The following PSIP1 variants were observed in gnomAD, a reference collection of about 807,000 sequenced individuals.
PSIP1 encodes PC4 and SRSF1 interacting protein 1.
PSIP1 carries 19 observed loss-of-function variants against 74.7 expected under a neutral mutation model. The observed-to-expected ratio is 0.25, with a 90% CI of 0.18 to 0.37. The LOEUF is 0.37. Ranked by LOEUF, PSIP1 falls within the 10% of genes least tolerant of loss-of-function variation. The probability of loss-of-function intolerance (pLI) is 1.00; values close to 1 mark genes in which losing one functional copy is unlikely to be tolerated. For missense variants in PSIP1, 601 were observed against 614.3 expected (o/e 0.98, Z 0.23); for synonymous variants, 222 against 195.3 (o/e 1.14, Z -1.14).
intron 6 of PSIP1, among the ~76,000 whole-genome samples, chr9:15,483,445 A>C (rs933309392): frequency 4.6e-5 from 7 of 152,110 alleles, no homozygotes; most frequent in African/African-American, 1.7e-4. Context: ...CACTTAAAAA[A>C]TCTATAAGAT....
At chr9:15,501,803 A>ACT (rs2037356029) in intron 3 of PSIP1, among the ~76,000 whole-genome samples, 1 of 148,750 alleles carries the variant, frequency 6.7e-6, no homozygotes, top group Non-Finnish European at 1.5e-5. Context: ...TGCAGATACC[A>ACT]AAATTCACAG....
intron 2 of PSIP1, 54 bp from the exon 3 acceptor site, chr9:15,506,691 T>C: frequency 7.5e-7 from 1 of 1,327,662 alleles, no homozygotes; most frequent in South Asian, 1.2e-5. Context: ...CACCTCAACA[T>C]TTATCTGAAT....
chr9:15,480,583 A>G (rs2036294248), intron 6 of PSIP1, among the ~76,000 whole-genome samples: 1 of 152,232 alleles, frequency 6.6e-6, no homozygotes, highest in Non-Finnish European at 1.5e-5. Context: ...ATACTTTATG[A>G]AAGCACATAA....
At chr9:15,487,205 A>C (rs1197973458) in intron 4 of PSIP1, among the ~76,000 whole-genome samples, 1 of 151,756 alleles carries the variant, frequency 6.6e-6, no homozygotes, top group Non-Finnish European at 1.5e-5. Context: ...ATAAAAATTA[A>C]AAAAAACTCC....
At chr9:15,486,754 C>G (rs1262538116) in intron 5 of PSIP1, 73 bp downstream of exon 5, 5 of 1,049,266 alleles carry the variant, frequency 4.8e-6, no homozygotes, top group Non-Finnish European at 7.2e-6. Context: ...ACTAATTAAT[C>G]ATGGCCAACT....
intron 8 of PSIP1, among the ~76,000 whole-genome samples, chr9:15,475,673 A>T (rs2036044933): frequency 6.6e-6 from 1 of 152,182 alleles, no homozygotes; most frequent in Non-Finnish European, 1.5e-5. Flanking sequence ...ATTTATTTTA[A>T]AAATTTATCC....
chr9:15,504,350 T>G (rs2037484885), intron 3 of PSIP1, among the ~76,000 whole-genome samples: 1 of 136,382 alleles, frequency 7.3e-6, no homozygotes, highest in Non-Finnish European at 1.5e-5. Flanking sequence ...TGTACATATA[T>G]TTATATATGA....
At chr9:15,504,685 G>C (rs553135535) in intron 3 of PSIP1, among the ~76,000 whole-genome samples, 8 of 151,458 alleles carry the variant, frequency 5.3e-5, no homozygotes, top group Non-Finnish European at 1.0e-4. Flanking sequence ...TGCAGTGAGC[G>C]GAGATCATGC....
At chr9:15,483,359 C>T (rs961397104) in intron 6 of PSIP1, among the ~76,000 whole-genome samples, 2 of 151,854 alleles carry the variant, frequency 1.3e-5, no homozygotes, top group Non-Finnish European at 2.9e-5. Flanking sequence ...CTCCCCCGCC[C>T]CCTTTACCAT....
At chr9:15,478,824 A>G (rs1165325674) in intron 7 of PSIP1, among the ~76,000 whole-genome samples, 1 of 152,118 alleles carries the variant, frequency 6.6e-6, no homozygotes, top group African/African-American at 2.4e-5. Flanking sequence ...TCGTTTTAAC[A>G]GTAATGTCAC....
At chr9:15,505,081 T>A (rs564993022) in intron 3 of PSIP1, 1 of 150,856 alleles carries the variant, frequency 6.6e-6, no homozygotes, top group African/African-American at 2.4e-5. Context: ...TGGGACCACA[T>A]GTGTGTGCCA....
chr9:15,466,679 G>T, intron 15 of PSIP1, 69 bp downstream of exon 15: 3 of 1,224,914 alleles, frequency 2.4e-6, no homozygotes, highest in Non-Finnish European at 2.3e-6. Flanking sequence ...AGATAACCTT[G>T]GAACAGAACT....
chr9:15,487,167 C>A (rs1307956050), intron 4 of PSIP1, among the ~76,000 whole-genome samples: 1 of 150,516 alleles, frequency 6.6e-6, no homozygotes, highest in African/African-American at 2.4e-5. Context: ...ACCACTGTAC[C>A]CCAGCCTGGG....
intron 8 of PSIP1, among the ~76,000 whole-genome samples, chr9:15,477,995 G>A (rs2036165110): frequency 6.6e-6 from 1 of 151,524 alleles, no homozygotes; most frequent in African/African-American, 2.4e-5. Context: ...AGGTGTGGTG[G>A]CACACACCTG....
chr9:15,492,709 C>T (rs988499938), intron 3 of PSIP1, among the ~76,000 whole-genome samples: 2 of 152,122 alleles, frequency 1.3e-5, no homozygotes, highest in South Asian at 4.1e-4. Flanking sequence ...AGACTTCTAC[C>T]TGGACATCCA....
intron 3 of PSIP1, chr9:15,505,770 T>C (rs950940316): frequency 1.3e-5 from 2 of 152,234 alleles, no homozygotes. Flanking sequence ...TGAAAGTTTA[T>C]ACAGTAGCTA....
intron 3 of PSIP1, 33 bp downstream of exon 3, chr9:15,506,528 C>T (rs201414846): frequency 1.4e-6 from 2 of 1,474,974 alleles, no homozygotes; most frequent in South Asian, 2.3e-5. Flanking sequence ...GTTAAATTAG[C>T]TCTGATTTGC....
rs941072423 is a variant in PSIP1, at chr9:15,469,303, T to C, written c.1067A>G (p.His356Arg). ...TSMDSRLQRI[H>R]AEIKNSLKID... The stretch of plus-strand genomic sequence containing the variant: ...TTTGAGTGAATTTTTAATCTCAGCA[T>C]GTATCCTTTGAAGTCGAGAATCCAT... Residue 356 changes from histidine to arginine, a missense_variant, in exon 12 of 16, where the codon CAT (histidine) becomes CGT (arginine). Physicochemically the swap from His to Arg is conservative, Grantham distance 29 (BLOSUM62 0). Transcript: ENST00000380733. 6.4e-7 allele frequency: 1 copy of C among 1,574,170 alleles called. No homozygotes were observed. Among genetic ancestry groups the C allele is most frequent in the Non-Finnish European group, 8.6e-7 (1 of 1,157,126 alleles).
At chr9:15,469,562 C>T (rs1246051192) in intron 11 of PSIP1, among the ~76,000 whole-genome samples, 1 of 152,114 alleles carries the variant, frequency 6.6e-6, no homozygotes, top group Non-Finnish European at 1.5e-5. Context: ...AAAACCACCA[C>T]TTGGCTGCGT....
Sources: allele counts gnomAD v4.1 joint callset (sites outside exome capture counted in the v4.1 genomes callset), GRCh38; gene constraint gnomAD v4.1.1; transcripts MANE v1.5; gene names NCBI Gene and HGNC (gene_info 2026-07-23, HGNC 2026-07-21).